The following BANP variants were observed in gnomAD, a reference collection of about 807,000 sequenced individuals.
BANP encodes the protein BTG3 associated nuclear protein.
BANP carries 11 observed loss-of-function variants against 68.1 expected under a neutral mutation model. The ratio of observed to expected loss-of-function variants is 0.16; its 90% confidence interval spans 0.10 to 0.27. The LOEUF is 0.27. BANP is among the 10% of genes least tolerant of loss of function. The probability of loss-of-function intolerance (pLI) is 1.00; values close to 1 mark genes in which losing one functional copy is unlikely to be tolerated. For synonymous variants in BANP, 329 were observed against 303.2 expected (o/e 1.09, Z -0.88); for missense variants, 504 against 722.7 (o/e 0.70, Z 3.47).
intron 1 of BANP, among the ~76,000 whole-genome samples, chr16:87,951,834 C>T (rs987041384): frequency 6.6e-6 from 1 of 152,098 alleles, no homozygotes; most frequent in Non-Finnish European, 1.5e-5. Flanking sequence ...GGCCTCGCCC[C>T]GCGGGAAGGA....
intron 11 of BANP, among the ~76,000 whole-genome samples, chr16:88,061,594 C>T (rs1015212336): frequency 2.6e-5 from 4 of 152,056 alleles, no homozygotes. Flanking sequence ...CTTGTAGGAA[C>T]GTAGGAGAAA....
At chr16:88,005,626 C>T (rs1016475773) in intron 5 of BANP, among the ~76,000 whole-genome samples, 8 of 152,146 alleles carry the variant, frequency 5.3e-5, no homozygotes, top group East Asian at 3.9e-4. Context: ...GTTTTTTGCC[C>T]GTGGGCGTAC....
intron 11 of BANP, among the ~76,000 whole-genome samples, chr16:88,052,558 T>C (rs1339287591): frequency 6.6e-6 from 1 of 151,862 alleles, no homozygotes; most frequent in Non-Finnish European, 1.5e-5. Flanking sequence ...ACCATCATCA[T>C]CACCTCCACC....
At chr16:87,968,134 G>T (rs1356513061) in intron 1 of BANP, among the ~76,000 whole-genome samples, 1 of 151,624 alleles carries the variant, frequency 6.6e-6, no homozygotes, top group Non-Finnish European at 1.5e-5. Flanking sequence ...CGTTTTAAAT[G>T]CACCAATGCC....
upstream of BANP, chr16:87,950,381 T>C (rs1309784147): frequency 6.6e-6 from 1 of 151,954 alleles, no homozygotes; most frequent in African/African-American, 2.4e-5. Flanking sequence ...TTTTTTCCTG[T>C]GATTACCCAC....
chr16:87,972,821 G>A (rs12926337), intron 1 of BANP, among the ~76,000 whole-genome samples: 52,995 of 151,998 alleles, frequency 0.35, 10,530 homozygotes, highest in Non-Finnish European at 0.47. Context: ...TCTTTTCAAT[G>A]TATTTGGCCT....
rs759554913 is a variant in BANP, at chr16:88,038,027, C to A, written c.1311+16C>A. ...GGACGGTCAGGTGAGTGTCCCAGTC[C>A]CCATGCACATGCGGGCGTTGCGCTG... On this transcript the variant is annotated intron_variant, in intron 11 of 13. Transcript: ENST00000682872. 1.2e-6 allele frequency: 2 copies of A among 1,613,260 alleles called. No individual in the cohort carries two copies. Among genetic ancestry groups the A allele is most frequent in the Non-Finnish European group, 8.5e-7 (1 of 1,179,356 alleles).
chr16:87,971,058 A>C (rs1284937791), intron 1 of BANP, among the ~76,000 whole-genome samples: 2 of 151,882 alleles, frequency 1.3e-5, no homozygotes, highest in Non-Finnish European at 2.9e-5. Flanking sequence ...ACCGCCACTG[A>C]ATGAACATTG....
At chr16:88,058,680 T>G (rs542269292) in intron 11 of BANP, among the ~76,000 whole-genome samples, 1 of 152,022 alleles carries the variant, frequency 6.6e-6, no homozygotes, top group Non-Finnish European at 1.5e-5. Context: ...CCGGGGTTTG[T>G]AGGAAGCCTG....
At chr16:87,962,258 A>AAAAAAAAAAAAC (rs2059323385) in intron 1 of BANP, among the ~76,000 whole-genome samples, 1 of 146,908 alleles carries the variant, frequency 6.8e-6, no homozygotes, top group Non-Finnish European at 1.5e-5. Flanking sequence ...AAAAAAAAAG[A>AAAAAAAAAAAAC]AAGCACATTT....
chr16:87,972,643 G>A (rs1448839070), intron 1 of BANP, among the ~76,000 whole-genome samples: 2 of 152,128 alleles, frequency 1.3e-5, no homozygotes, highest in African/African-American at 4.8e-5. Flanking sequence ...TCTAATTTCA[G>A]TGTTTTGGGT....
intron 6 of BANP, among the ~76,000 whole-genome samples, chr16:88,013,864 G>A (rs550039246): frequency 6.6e-6 from 1 of 152,368 alleles, no homozygotes; most frequent in South Asian, 2.1e-4. Context: ...TTAGAGGAGT[G>A]AGGTGGGAGT....
Position 88,071,455 on chromosome 16 carries a change from G to T in BANP, c.1378-614G>T. The T allele has an allele frequency of 2.2e-6, 1 of 456,336 alleles. No homozygotes were observed. The highest frequency in any genetic ancestry group is 4.4e-6 in the Non-Finnish European group (1 of 226,800). 28.3% of individuals were successfully genotyped at this position (456,336 alleles called of 1,614,324 possible). ...CCCCCATTCTCATTCCATACTCTGG[G>T]AGGCGGTACAAGGTCGGGAGGGCCA... On this transcript the variant is annotated intron_variant, in intron 12 of 13. Transcript: ENST00000682872. This position sits in a 1 kb window ranked among gnomAD's most constrained non-coding sequence, Gnocchi z 6.5.
intron 4 of BANP, among the ~76,000 whole-genome samples, chr16:87,997,200 C>G (rs530464256): frequency 1.2e-3 from 182 of 152,348 alleles, no homozygotes; most frequent in African/African-American, 4.2e-3. Context: ...CTCAAGCCAT[C>G]TGCCTGCTTC....
chr16:88,074,824 C>T (rs751911390), intron 13 of BANP, among the ~76,000 whole-genome samples: 2 of 152,156 alleles, frequency 1.3e-5, no homozygotes, highest in East Asian at 1.9e-4. Flanking sequence ...AGACAGTCCT[C>T]ATACTGACCC....
chr16:88,025,862 A>G (rs551175601), intron 7 of BANP, among the ~76,000 whole-genome samples: 1 of 152,346 alleles, frequency 6.6e-6, no homozygotes, highest in South Asian at 2.1e-4. Flanking sequence ...TTTTATTACT[A>G]CAATTTTGGA....
At chr16:88,033,484 A>G (rs2078647154) in intron 9 of BANP, among the ~76,000 whole-genome samples, 1 of 152,168 alleles carries the variant, frequency 6.6e-6, no homozygotes, top group South Asian at 2.1e-4. Flanking sequence ...TGGGGCATTC[A>G]GTCAGCTCAC....
chr16:87,965,859 G>A (rs1420664671), intron 1 of BANP, among the ~76,000 whole-genome samples: 1 of 152,140 alleles, frequency 6.6e-6, no homozygotes, highest in Non-Finnish European at 1.5e-5. Context: ...TAAGGCCTAC[G>A]GAATAAGGCC....
intron 11 of BANP, among the ~76,000 whole-genome samples, chr16:88,053,614 A>G (rs1329339364): frequency 7.1e-6 from 1 of 141,758 alleles, no homozygotes; most frequent in Non-Finnish European, 1.5e-5. Context: ...CCTAACGACT[A>G]CCACCCCCAC....
Sources: gnomAD v4.1 joint callset for allele counts (sites outside exome capture counted in the v4.1 genomes callset) on GRCh38, gnomAD v4.1.1 for gene constraint, Gnocchi (gnomAD v3.1) non-coding constraint, MANE v1.5 for transcripts, NCBI Gene and HGNC (gene_info 2026-07-23, HGNC 2026-07-21) for gene names.